Variants in SLC9B2 observed in about 807,000 individuals in gnomAD.
SLC9B2 encodes solute carrier family 9 member B2, also known as sodium/hydrogen exchanger 9B2.
SLC9B2 carries 39 observed loss-of-function variants against 52.2 expected under a neutral mutation model. That is an observed-to-expected ratio of 0.75 (90% CI 0.58 to 0.98). SLC9B2 has a LOEUF of 0.98. Among genes scored for constraint, SLC9B2 ranks in the 50% least tolerant of loss-of-function variants. The probability of loss-of-function intolerance (pLI) is 0.00; values close to 1 mark genes in which losing one functional copy is unlikely to be tolerated. For missense variants in SLC9B2, 626 were observed against 637.5 expected (o/e 0.98, Z 0.19); for synonymous variants, 214 against 227.0 (o/e 0.94, Z 0.51).
chr4:103,041,288 A>G (rs1743618323), intron 9 of SLC9B2, among the ~76,000 whole-genome samples: 1 of 152,116 alleles, frequency 6.6e-6, no homozygotes, highest in African/African-American at 2.4e-5. Context: ...AGATTCACAT[A>G]GCAGAGTTAC....
At chr4:103,066,655 G>T in intron 2 of SLC9B2, 148 bp from the exon 3 acceptor site, 1 of 679,520 alleles carries the variant, frequency 1.5e-6, no homozygotes, top group Non-Finnish European at 2.4e-6. Context: ...TTTATTACTA[G>T]CTAATCAGCT....
At chr4:103,066,258 C>A in intron 3 of SLC9B2, 69 bp downstream of exon 3, 3 of 1,518,224 alleles carry the variant, frequency 2.0e-6, no homozygotes, top group Non-Finnish European at 2.7e-6. Context: ...TCCTTTCAAC[C>A]ATATTATTTA....
chr4:103,066,642 A>T lies in SLC9B2; in HGVS notation c.91-135T>A, dbSNP rs1325351245. 9 of 775,414 alleles carry T rather than the reference A, an allele frequency of 1.2e-5. No individual in the cohort carries two copies. In the African/African-American group the frequency reaches 1.4e-4, roughly 12 times the overall value. 48.0% of individuals were successfully genotyped at this position (775,414 alleles called of 1,614,324 possible). On this transcript the variant is annotated intron_variant, in intron 2 of 11. Transcript: ENST00000394785. Reference sequence around the variant, plus strand: ...ATAACACTTTGTAGAAAAAACTCACAGCTTTATTACTAGCTAATCAGCTTG... The same window carrying T: ...ATAACACTTTGTAGAAAAAACTCACTGCTTTATTACTAGCTAATCAGCTTG...
chr4:103,037,085 G>T (rs1743246260), intron 9 of SLC9B2, among the ~76,000 whole-genome samples: 1 of 152,146 alleles, frequency 6.6e-6, no homozygotes, highest in African/African-American at 2.4e-5. Context: ...GTGTCTACAT[G>T]GTCCCTATCT....
At chr4:103,035,447 C>T (rs1743085034) in intron 9 of SLC9B2, among the ~76,000 whole-genome samples, 1 of 152,098 alleles carries the variant, frequency 6.6e-6, no homozygotes, top group Non-Finnish European at 1.5e-5. Flanking sequence ...TGAACATACT[C>T]ATGAATGTGT....
At chr4:103,060,127 T>A (rs1056906419) in intron 3 of SLC9B2, among the ~76,000 whole-genome samples, 9 of 151,822 alleles carry the variant, frequency 5.9e-5, no homozygotes, top group African/African-American at 9.7e-5. Context: ...TTATGTTTTT[T>A]AAAAAAAATC....
In SLC9B2 at chr4:103,023,453, A is replaced by G. The variant is rs113802979; in HGVS notation, c.*2917T>C. Among the ~76,000 whole-genome samples the G allele has an allele frequency of 0.017, 2,650 of 152,324 alleles. 33 individuals carry two copies. Among genetic ancestry groups the G allele is most frequent in the Non-Finnish European group, 0.024 (1,609 of 68,026 alleles). On this transcript the variant is annotated 3_prime_UTR_variant, in exon 12 of 12. Coordinates refer to ENST00000394785, the MANE Select transcript of SLC9B2 (RefSeq NM_178833.7). ...TATCAGGTTAACCCTAAGTTCACCA[A>G]CCAAGTCAAGAGATGTGGCTTTCAA...
chr4:103,043,203 C>T lies in SLC9B2; in HGVS notation c.1146+93G>A, dbSNP rs74772384. The T allele has an allele frequency of 3.3e-3, 4,281 of 1,301,428 alleles. 56 individuals are homozygous for T. In the African/African-American group the frequency reaches 0.037, roughly 11 times the overall value. 80.6% of individuals were successfully genotyped at this position (1,301,428 alleles called of 1,614,324 possible). A position where few individuals can be genotyped will look rare whatever the true frequency, so the allele number is the denominator to read the frequency against. ...TTAAGATAGCTTTTATAATGAAATA[C>T]TTTATTAATTTGATGCTAAGAAAGT... On this transcript the variant is annotated intron_variant, in intron 9 of 11. Transcript: ENST00000394785.
intron 1 of SLC9B2, among the ~76,000 whole-genome samples, chr4:103,072,397 G>T (rs1296066009): frequency 6.6e-6 from 1 of 152,160 alleles, no homozygotes; most frequent in African/African-American, 2.4e-5. Flanking sequence ...TTCATCAAAT[G>T]AAACCTAATC....
At chr4:103,032,174 T>C (rs891136676) in intron 9 of SLC9B2, among the ~76,000 whole-genome samples, 5 of 152,160 alleles carry the variant, frequency 3.3e-5, no homozygotes, top group Non-Finnish European at 5.9e-5. Context: ...TCGACTTTCC[T>C]TCAACAATAT....
chr4:103,028,712 G>T, intron 11 of SLC9B2, 35 bp downstream of exon 11: 1 of 1,571,950 alleles, frequency 6.4e-7, no homozygotes, highest in South Asian at 1.2e-5. Flanking sequence ...TGCAGAAATA[G>T]CAGTTAAAAT....
chr4:103,033,557 G>T (rs937850365), intron 9 of SLC9B2, among the ~76,000 whole-genome samples: 3 of 152,084 alleles, frequency 2.0e-5, no homozygotes, highest in Non-Finnish European at 4.4e-5. Context: ...ACTATACCTA[G>T]AAAACTTCAT....
At chr4:103,059,491 T>C (rs1353717611) in intron 3 of SLC9B2, among the ~76,000 whole-genome samples, 2 of 152,240 alleles carry the variant, frequency 1.3e-5, no homozygotes, top group African/African-American at 2.4e-5. Context: ...ATTAGATAGC[T>C]TAATGTTGTA....
chr4:103,040,696 C>T (rs1033916553), intron 9 of SLC9B2, among the ~76,000 whole-genome samples: 2 of 152,146 alleles, frequency 1.3e-5, no homozygotes, highest in Non-Finnish European at 2.9e-5. Context: ...AAAAAACACA[C>T]AAGTGTCTAA....
downstream of SLC9B2, chr4:103,019,836 C>T (rs562878231): frequency 1.0e-6 from 1 of 985,710 alleles, no homozygotes; most frequent in African/African-American, 1.7e-5. Flanking sequence ...TGTTTTCTGT[C>T]TATTGAACCC....
In SLC9B2 at chr4:103,024,904, G is replaced by A. The variant is rs1243434763; in HGVS notation, c.*1466C>T. Among the ~76,000 whole-genome samples the A allele has an allele frequency of 6.6e-6, 1 of 152,220 alleles. No homozygotes were observed. The highest frequency in any genetic ancestry group is 6.5e-5 in the Admixed American group (1 of 15,296). On this transcript the variant is annotated 3_prime_UTR_variant, in exon 12 of 12. Coordinates refer to ENST00000394785, the MANE Select transcript of SLC9B2 (RefSeq NM_178833.7). Reference sequence around the variant, plus strand: ...TCTTTCTTCTAATATTTTCTCTGCTGGCAAGTCACAATTTCTGAAATCCCT... The same window carrying A: ...TCTTTCTTCTAATATTTTCTCTGCTAGCAAGTCACAATTTCTGAAATCCCT...
chr4:103,038,795 A>C (rs1192843550), intron 9 of SLC9B2, among the ~76,000 whole-genome samples: 1 of 152,226 alleles, frequency 6.6e-6, no homozygotes, highest in Non-Finnish European at 1.5e-5. Context: ...AATCTGTAAA[A>C]GTCATTAGAA....
intron 9 of SLC9B2, among the ~76,000 whole-genome samples, chr4:103,032,486 AT>A (rs139796321): frequency 0.11 from 17,460 of 151,966 alleles, 1,088 homozygotes; most frequent in Admixed American, 0.15. Context: ...CCTTTAAAAT[AT>A]TTTTCCTTTG....
chr4:103,026,331 C>G lies in SLC9B2; in HGVS notation c.*39G>C, dbSNP rs2110566316. On this transcript the variant is annotated 3_prime_UTR_variant, in exon 12 of 12. Transcript: ENST00000394785. ...ATATGCATCTTGAAAAAAGTAGCAG[C>G]TTTCTAAACATTATGTTCAGCACTC... The G allele has an allele frequency of 1.3e-6, 2 of 1,515,236 alleles. No individual in the cohort carries two copies. Among genetic ancestry groups the G allele is most frequent in the African/African-American group, 2.8e-5 (2 of 71,734 alleles). 93.9% of individuals were successfully genotyped at this position (1,515,236 alleles called of 1,614,324 possible).
Sources: allele counts gnomAD v4.1 joint callset (sites outside exome capture counted in the v4.1 genomes callset), GRCh38; gene constraint gnomAD v4.1.1; transcripts MANE v1.5; gene names NCBI Gene and HGNC (gene_info 2026-07-23, HGNC 2026-07-21).